TMEM169: variants seen among roughly 807,000 people sequenced by gnomAD.
The protein encoded by TMEM169 is transmembrane protein 169.
Under a neutral mutation model 27.3 loss-of-function variants are expected in TMEM169, and 18 were observed. The ratio of observed to expected loss-of-function variants is 0.66; its 90% CI spans 0.46 to 0.98. The LOEUF is 0.98. TMEM169 is among the 50% of genes least tolerant of loss of function. The pLI, the probability that TMEM169 is intolerant of heterozygous loss-of-function variation, is 0.00. For synonymous variants in TMEM169, 136 were observed against 142.1 expected, an observed-to-expected ratio of 0.96 and a Z score of 0.30; for missense variants, 320 against 368.6, an observed-to-expected ratio of 0.87 and a Z score of 1.08.
chr2:216,096,263 G>C, intron 2 of TMEM169, 29 bp downstream of exon 2: 1 of 1,594,172 alleles, frequency 6.3e-7, no homozygotes, highest in Non-Finnish European at 8.6e-7. Flanking sequence ...CTTGTTTAAA[G>C]CCATGGGAAG....
chr2:216,085,692 G>A (rs893789387), intron 1 of TMEM169, among the ~76,000 whole-genome samples: 7 of 152,078 alleles, frequency 4.6e-5, no homozygotes, highest in Non-Finnish European at 7.4e-5. Flanking sequence ...CCAACATGGA[G>A]AAACCCCTTC....
chr2:216,095,109 CTTTTT>C (rs71047975), intron 1 of TMEM169, among the ~76,000 whole-genome samples: 2 of 110,476 alleles, frequency 1.8e-5, no homozygotes, highest in Admixed American at 2.2e-4. Flanking sequence ...TTTTTTCTTT[CTTTTT>C]TTTTTTTTTG....
At chr2:216,095,775 C>A in intron 1 of TMEM169, 63 bp from the exon 2 acceptor site, 1 of 588,736 alleles carries the variant, frequency 1.7e-6, no homozygotes, top group Non-Finnish European at 2.9e-6. Flanking sequence ...GATCGTTTCC[C>A]ACATTCCTGT....
At chr2:216,096,930 A>G (rs1696277278) in intron 2 of TMEM169, among the ~76,000 whole-genome samples, 2 of 152,240 alleles carry the variant, frequency 1.3e-5, no homozygotes, top group Admixed American at 6.5e-5. Context: ...TATGACAACA[A>G]TGAGATATAG....
At chr2:216,091,040 C>T (rs1696108402) in intron 1 of TMEM169, among the ~76,000 whole-genome samples, 1 of 152,242 alleles carries the variant, frequency 6.6e-6, no homozygotes, top group Non-Finnish European at 1.5e-5. Flanking sequence ...TCAACTCACA[C>T]TAGTGTGAAA....
In TMEM169 at chr2:216,096,226, T is replaced by C; in HGVS notation, c.263T>C (p.Val88Ala). The C allele has an allele frequency of 3.7e-6, 6 of 1,613,360 alleles. No homozygotes were observed. The highest frequency in any genetic ancestry group is 5.1e-6 in the Non-Finnish European group (6 of 1,179,512). Residue 88 changes from valine (V) to alanine (A), a missense_variant, in exon 2 of 3, where the codon GTG becomes GCG. Physicochemically the swap from Val to Ala is moderately conservative, Grantham distance 64. Coordinates refer to ENST00000437356, the MANE Select transcript of TMEM169 (RefSeq NM_001142311.2). ...EEGDDFLDYP[V>A]DDDMWNLPLD... ...GGAGATGATTTCCTAGACTATCCTGTGGATGATGGTAAGTCTCTCTAGCCC... is the reference window on the plus strand; with the variant it reads ...GGAGATGATTTCCTAGACTATCCTGCGGATGATGGTAAGTCTCTCTAGCCC...
rs74830532 is a variant in TMEM169, at chr2:216,088,550, C to G, written c.-127+6571C>G. Among the ~76,000 whole-genome samples the G allele has an allele frequency of 9.0e-3, 1,363 of 152,186 alleles. 10 individuals are homozygous for G. Among genetic ancestry groups the G allele is most frequent in the Non-Finnish European group, 0.013 (910 of 68,008 alleles). On this transcript the variant is annotated intron_variant, in intron 1 of 2. Coordinates refer to ENST00000437356, the MANE Select transcript of TMEM169 (RefSeq NM_001142311.2). Reference sequence around the variant, plus strand: ...CATAGTGTTGCTTAATAAATATTTACTGAAGCTGGGCACAGTTGCACATGA... The same window carrying G: ...CATAGTGTTGCTTAATAAATATTTAGTGAAGCTGGGCACAGTTGCACATGA...
Position 216,100,713 on chromosome 2 carries a change from A to G in TMEM169, c.*171A>G. 1.2e-6 allele frequency: 1 copy of G among 867,490 alleles called. No homozygotes were observed. Among genetic ancestry groups the G allele is most frequent in the Non-Finnish European group, 1.7e-6 (1 of 576,808 alleles). 53.7% of individuals were successfully genotyped at this position (867,490 alleles called of 1,614,324 possible). A position where few individuals can be genotyped will look rare whatever the true frequency, so the allele number is the denominator to read the frequency against. On this transcript the variant is annotated 3_prime_UTR_variant, in exon 3 of 3. Transcript: ENST00000437356. Reference sequence around the variant, plus strand: ...AGGGTTCCAGGAGGGCATGGAGCAGACAAGCAATTGTGCCAAAGCAGTTCA... The same window carrying G: ...AGGGTTCCAGGAGGGCATGGAGCAGGCAAGCAATTGTGCCAAAGCAGTTCA...
chr2:216,092,327 G>A (rs905703107), intron 1 of TMEM169, among the ~76,000 whole-genome samples: 11 of 152,048 alleles, frequency 7.2e-5, no homozygotes, highest in Non-Finnish European at 1.0e-4. Flanking sequence ...CAAATCAAGA[G>A]TGTCGAACAC....
rs569371846 is a variant in TMEM169 at position 216,099,780 on chromosome 2, A to G, written c.272-140A>G. 1.7e-6 allele frequency: 2 copies of G among 1,177,042 alleles called. No homozygotes were observed. Among genetic ancestry groups the G allele is most frequent in the South Asian group, 3.0e-5 (2 of 66,060 alleles). 72.9% of individuals were successfully genotyped at this position (1,177,042 alleles called of 1,614,324 possible). On this transcript the variant is annotated intron_variant, in intron 2 of 2. Transcript: ENST00000437356. The surrounding 1 kb of genome is among the most constrained non-coding windows in gnomAD (Gnocchi z 5.0). ...CCGAGGGAGACCCACTCAGTCCGCC[A>G]TTGAATCACTGACTCAGGACTGTGC...
At chr2:216,093,125 A>AGTT (rs748583380) in intron 1 of TMEM169, among the ~76,000 whole-genome samples, 38 of 145,912 alleles carry the variant, frequency 2.6e-4, no homozygotes, top group African/African-American at 9.3e-4. Flanking sequence ...GTAATAATGA[A>AGTT]GTGTGTGTGT....
intron 1 of TMEM169, among the ~76,000 whole-genome samples, chr2:216,094,517 C>T (rs1191267515): frequency 6.6e-6 from 1 of 152,140 alleles, no homozygotes; most frequent in African/African-American, 2.4e-5. Context: ...GGGCTGTTAA[C>T]TTCACAAAAA....
At chr2:216,087,373 T>C (rs1696028295) in intron 1 of TMEM169, among the ~76,000 whole-genome samples, 1 of 152,188 alleles carries the variant, frequency 6.6e-6, no homozygotes, top group Non-Finnish European at 1.5e-5. Context: ...TCTTCCAGTT[T>C]AGAGGAAGTA....
rs538693453 is a variant in TMEM169, at chr2:216,098,750, G to A, written c.272-1170G>A. ...TGTGTGTGTGTATGTGTGGTGTGCG[G>A]TGTGGGTGTGGTGTATGTGGGGGTG... is the stretch of plus-strand genomic sequence containing the variant. On this transcript the variant is annotated intron_variant, in intron 2 of 2. Transcript: ENST00000437356. Among the ~76,000 whole-genome samples the A allele has an allele frequency of 2.0e-5, 3 of 150,488 alleles. No homozygotes were observed. In the East Asian group the frequency reaches 5.9e-4, roughly 30 times the overall value.
intron 1 of TMEM169, among the ~76,000 whole-genome samples, chr2:216,093,125 AGTGTGTGTGTGTGTGT>A (rs60241289): frequency 2.1e-4 from 30 of 145,852 alleles, no homozygotes; most frequent in African/African-American, 3.3e-4. Context: ...GTAATAATGA[AGTGTGTGTGTGTGTGT>A]GTGTGTGTGT....
In TMEM169 at chr2:216,100,873, A is replaced by C; in HGVS notation, c.*331A>C. ...GGAACTGAGGGGAGTATGTGACTAA[A>C]TGTGTCAGGGAGAATAAAGAACCTC... On this transcript the variant is annotated 3_prime_UTR_variant, in exon 3 of 3. Transcript: ENST00000437356. 8.3e-6 allele frequency: 3 copies of C among 360,950 alleles called. No homozygotes were observed. Among genetic ancestry groups the C allele is most frequent in the African/African-American group, 2.1e-5 (1 of 47,326 alleles). The allele number at this position is 360,950 out of a possible 1,614,324, so 22.4% of individuals were successfully genotyped here.
chr2:216,098,507 G>C (rs1325028802), intron 2 of TMEM169, among the ~76,000 whole-genome samples: 3 of 152,166 alleles, frequency 2.0e-5, no homozygotes, highest in Non-Finnish European at 4.4e-5. Context: ...GGGCTTGGGA[G>C]ACTGCACATT....
Position 216,089,417 on chromosome 2 carries a change from C to T in TMEM169, c.-126-6421C>T, listed in dbSNP as rs149740231. On this transcript the variant is annotated intron_variant, in intron 1 of 2. Coordinates refer to ENST00000437356, the MANE Select transcript of TMEM169 (RefSeq NM_001142311.2). ...CATCAGCTGTTCACTGCAGCTACTACCACTTGACTACTTCTATTTTTAATT... is the reference window on the plus strand; with the variant it reads ...CATCAGCTGTTCACTGCAGCTACTATCACTTGACTACTTCTATTTTTAATT... Among the ~76,000 whole-genome samples the T allele has an allele frequency of 3.1e-3, 477 of 152,258 alleles. 4 individuals carry two copies. The highest frequency in any genetic ancestry group is 0.011 in the African/African-American group (451 of 41,544).
At chr2:216,098,683 G>GCAGAT (rs1696314542) in intron 2 of TMEM169, among the ~76,000 whole-genome samples, 2 of 151,822 alleles carry the variant, frequency 1.3e-5, no homozygotes, top group Non-Finnish European at 2.9e-5. Context: ...AGGGTGGCCA[G>GCAGAT]CAGATAGCTA....
Sources: allele counts gnomAD v4.1 joint callset (sites outside exome capture counted in the v4.1 genomes callset), GRCh38; gene constraint gnomAD v4.1.1; non-coding constraint Gnocchi (gnomAD v3.1); transcripts MANE v1.5; gene names NCBI Gene and HGNC (gene_info 2026-07-23, HGNC 2026-07-21).